The following CEACAM19 variants were observed in gnomAD, a reference collection of about 807,000 sequenced individuals.
CEACAM19 encodes the protein CEA cell adhesion molecule 19.
Under a neutral mutation model 37.6 loss-of-function variants are expected in CEACAM19, and 37 were observed. That is an observed-to-expected ratio of 0.98 (90% CI 0.76 to 1.29). CEACAM19 has a LOEUF of 1.29. Among genes scored for constraint, CEACAM19 ranks in the 50% most tolerant of loss-of-function variants. CEACAM19 has a pLI of 0.00. For synonymous variants in CEACAM19, 140 were observed against 149.8 expected, an observed-to-expected ratio of 0.93 and a Z score of 0.48; for missense variants, 340 against 375.6, an observed-to-expected ratio of 0.91 and a Z score of 0.78.
At chr19:44,683,244 G>A (rs188923237) in intron 7 of CEACAM19, 193 bp from the exon 8 acceptor site, 17 of 473,990 alleles carry the variant, frequency 3.6e-5, no homozygotes, top group African/African-American at 2.8e-4. Context: ...CTCTGTCACT[G>A]TGTCCACCTC....
intron 7 of CEACAM19, chr19:44,682,938 C>T (rs1163153386): frequency 8.6e-6 from 3 of 348,770 alleles, no homozygotes; most frequent in Non-Finnish European, 1.6e-5. Context: ...CCAGTGAAAC[C>T]CCACCGCAGA....
At chr19:44,677,159 G>T (rs936851568) in intron 3 of CEACAM19, among the ~76,000 whole-genome samples, 1 of 152,098 alleles carries the variant, frequency 6.6e-6, no homozygotes, top group Non-Finnish European at 1.5e-5. Flanking sequence ...TCCAACAAGA[G>T]CCCCAAGTCT....
upstream of CEACAM19, chr19:44,666,899 C>CT (rs1254096892): frequency 1.3e-5 from 2 of 151,902 alleles, no homozygotes; most frequent in African/African-American, 4.8e-5. Flanking sequence ...GGCTGGGCCT[C>CT]TTGCATACAG....
chr19:44,678,880 T>G lies in CEACAM19; in HGVS notation c.603T>G (p.Ser201=). ...HRLPAPRGQG[S]LSILCSAVSP... ...TGCCTGCTCCGAGGGGCCAGGGATC[T>G]CTGTCCATCTTGTGCTCGGCTGTAT... Residue 201 remains serine (S), a synonymous_variant, in exon 4 of 8, where the codon TCT becomes TCG. Coordinates refer to ENST00000358777, the MANE Select transcript of CEACAM19 (RefSeq NM_001127893.3). 6.2e-7 allele frequency: 1 copy of G among 1,614,056 alleles called. No individual in the cohort carries two copies. Among genetic ancestry groups the G allele is most frequent in the Non-Finnish European group, 8.5e-7 (1 of 1,179,980 alleles).
upstream of CEACAM19, among the ~76,000 whole-genome samples, chr19:44,667,719 AAATT>A (rs1312757527): frequency 2.6e-5 from 2 of 75,716 alleles, no homozygotes; most frequent in African/African-American, 6.4e-5. Context: ...AAATATATAT[AAATT>A]ATATATTTAT....
chr19:44,681,457 A>G (rs1011790269), intron 6 of CEACAM19, 145 bp downstream of exon 6: 5 of 577,684 alleles, frequency 8.7e-6, no homozygotes, highest in Non-Finnish European at 1.5e-5. Flanking sequence ...TAAAAATCCT[A>G]AGGAAAAGAG....
intron 1 of CEACAM19, 110 bp from the exon 2 acceptor site, chr19:44,672,486 A>G (rs1045968973): frequency 8.5e-7 from 1 of 1,180,506 alleles, no homozygotes; most frequent in East Asian, 2.7e-5. Context: ...GTTTCCAATG[A>G]GCAGCACTCA....
intron 4 of CEACAM19, among the ~76,000 whole-genome samples, chr19:44,679,181 C>T (rs1974009226): frequency 6.6e-6 from 1 of 152,092 alleles, no homozygotes; most frequent in Admixed American, 6.5e-5. Context: ...TTTGTAGAGA[C>T]GGGATCTCAC....
intron 6 of CEACAM19, 125 bp from the exon 7 acceptor site, chr19:44,682,442 C>T (rs998598687): frequency 2.1e-6 from 2 of 935,436 alleles, no homozygotes; most frequent in Non-Finnish European, 3.3e-6. Flanking sequence ...CCCCTCTGCC[C>T]AGGGGCCTCA....
intron 6 of CEACAM19, among the ~76,000 whole-genome samples, chr19:44,681,879 G>A (rs1374613974): frequency 1.3e-5 from 2 of 151,654 alleles, no homozygotes; most frequent in African/African-American, 2.4e-5. Flanking sequence ...GCAGTAAGCC[G>A]AGGTCATGCC....
Position 44,672,685 on chromosome 19 carries a change from C to A in CEACAM19, c.145C>A (p.Leu49Ile). ...AGAGCAGCCTCAAAAGAACCAGGAC[C>A]TTCTCCTGTCAGTCCAGGGTGTCCC... is the stretch of plus-strand genomic sequence containing the variant. ...IPEQPQKNQD[L>I]LLSVQGVPDT... The change falls in exon 2 of 8, where the codon CTT becomes ATT. Residue 49 changes from leucine (L) to isoleucine (I), a missense_variant. Transcript: ENST00000358777. 6.4e-7 allele frequency: 1 copy of A among 1,559,800 alleles called. No individual in the cohort carries two copies. Among genetic ancestry groups the A allele is most frequent in the Non-Finnish European group, 8.7e-7 (1 of 1,152,090 alleles).
intron 3 of CEACAM19, chr19:44,677,656 C>T (rs187582803): frequency 6.6e-6 from 1 of 152,168 alleles, no homozygotes; most frequent in East Asian, 1.9e-4. Context: ...CCTTTCTCAA[C>T]TCTTCCTTAT....
intron 4 of CEACAM19, 124 bp from the exon 5 acceptor site, chr19:44,680,164 C>A: frequency 1.4e-6 from 1 of 714,686 alleles, no homozygotes; most frequent in Non-Finnish European, 2.4e-6. Flanking sequence ...CATCCTAGCT[C>A]ACTCTGAAGG....
At chr19:44,674,236 T>C (rs1410144268) in intron 2 of CEACAM19, among the ~76,000 whole-genome samples, 1 of 146,778 alleles carries the variant, frequency 6.8e-6, no homozygotes, top group East Asian at 2.0e-4. Flanking sequence ...CAAGACTCCA[T>C]CTCAAAAAAA....
At chr19:44,668,626 TTA>T (rs1269449317), upstream of CEACAM19, among the ~76,000 whole-genome samples, 28 of 62,818 alleles carry the variant, frequency 4.5e-4, no homozygotes, top group African/African-American at 1.8e-3. Flanking sequence ...AATTATATAA[TTA>T]TATACACATA....
chr19:44,670,782 A>G (rs1007897836), upstream of CEACAM19, among the ~76,000 whole-genome samples: 135 of 62,286 alleles, frequency 2.2e-3, no homozygotes, highest in Middle Eastern at 6.0e-3. Context: ...CTGTCTCAAG[A>G]AAAAAAAAAA....
Position 44,680,274 on chromosome 19 carries a change from CTA to C in CEACAM19, c.660-12_660-11del. 2.5e-6 allele frequency: 4 copies of C among 1,607,848 alleles called. No individual in the cohort carries two copies. Among genetic ancestry groups the C allele is most frequent in the South Asian group, 1.1e-5 (1 of 91,008 alleles). On this transcript the variant is annotated splice_polypyrimidine_tract_variant and intron_variant, in intron 4 of 7. Transcript: ENST00000358777. ...CTCTCTATCCTAATATCAATTCCCT[CTA>C]TGTGTCCCCAGGATGGCGACCACAG...
chr19:44,669,037 C>G (rs1185214014), upstream of CEACAM19, among the ~76,000 whole-genome samples: 2 of 151,226 alleles, frequency 1.3e-5, no homozygotes, highest in Non-Finnish European at 2.9e-5. Flanking sequence ...CCGGGCTGGT[C>G]TTGAACTCCT....
At chr19:44,683,360 CCTCTGTCCCT>C (rs1351456084) in intron 7 of CEACAM19, 67 bp from the exon 8 acceptor site, 6 of 632,818 alleles carry the variant, frequency 9.5e-6, no homozygotes, top group Non-Finnish European at 1.7e-5. Context: ...TGTCTCTCAT[CCTCTGTCCCT>C]CTCTGTCTCC....
Sources: allele counts gnomAD v4.1 joint callset (sites outside exome capture counted in the v4.1 genomes callset), GRCh38; gene constraint gnomAD v4.1.1; transcripts MANE v1.5; gene names NCBI Gene and HGNC (gene_info 2026-07-23, HGNC 2026-07-21).